Variants in EYS observed in about 807,000 individuals in gnomAD.
EYS encodes the protein EGF-like photoreceptor maintenance factor.
A neutral mutation model predicts 282.1 loss-of-function variants in EYS; 250 were observed. The ratio of observed to expected loss-of-function variants is 0.89; its 90% CI spans 0.80 to 0.98. The LOEUF (loss-of-function observed/expected upper bound fraction) is 0.98. EYS is among the 50% of genes least tolerant of loss of function. The pLI is 0.00. For synonymous variants in EYS, 1,355 were observed against 1,282.9 expected (o/e 1.06, Z -1.20); for missense variants, 4,016 against 3,709.0 (o/e 1.08, Z -2.15).
At chr6:64,847,884 G>A (rs1326719589) in intron 19 of EYS, among the ~76,000 whole-genome samples, 1 of 152,032 alleles carries the variant, frequency 6.6e-6, no homozygotes, top group African/African-American at 2.4e-5. Flanking sequence ...ATCTATCAAT[G>A]CTGATTGGAA....
At chr6:64,977,221 C>T (rs9453141) in intron 14 of EYS, among the ~76,000 whole-genome samples, 3,602 of 151,960 alleles carry the variant, frequency 0.024, 138 homozygotes, top group African/African-American at 0.082. Flanking sequence ...CTAACATGTG[C>T]ATACTTCATT....
At chr6:65,346,758 A>T (rs2150322123) in intron 9 of EYS, among the ~76,000 whole-genome samples, 1 of 151,996 alleles carries the variant, frequency 6.6e-6, no homozygotes, top group South Asian at 2.1e-4. Context: ...CAACAAGAAC[A>T]TACTATGTAA....
intron 13 of EYS, among the ~76,000 whole-genome samples, chr6:65,031,829 A>T (rs1772614106): frequency 6.6e-6 from 1 of 150,716 alleles, no homozygotes; most frequent in African/African-American, 2.5e-5. Flanking sequence ...GGACCAGAAA[A>T]AAAGAACAAA....
chr6:65,336,703 T>G (rs994959347), intron 10 of EYS, among the ~76,000 whole-genome samples: 1 of 151,118 alleles, frequency 6.6e-6, no homozygotes, highest in Middle Eastern at 3.4e-3. Context: ...TAAAAGTAAA[T>G]TAAATAATAT....
chr6:64,625,494 C>G (rs978714965), intron 23 of EYS, among the ~76,000 whole-genome samples: 4 of 152,180 alleles, frequency 2.6e-5, no homozygotes, highest in African/African-American at 7.2e-5. Context: ...TGCCTTCTGG[C>G]TGTGTCCTCA....
At chr6:65,136,315 T>C (rs903710968) in intron 12 of EYS, among the ~76,000 whole-genome samples, 1 of 152,060 alleles carries the variant, frequency 6.6e-6, no homozygotes, top group Non-Finnish European at 1.5e-5. Flanking sequence ...TAAACTTTCT[T>C]GAAAATAACA....
chr6:64,804,520 A>G (rs1366529862), intron 22 of EYS, among the ~76,000 whole-genome samples: 1 of 151,726 alleles, frequency 6.6e-6, no homozygotes, highest in African/African-American at 2.4e-5. Context: ...TAGTGCCACA[A>G]CTCTCTTTAA....
At chr6:64,787,460 T>C (rs1284979059) in intron 22 of EYS, among the ~76,000 whole-genome samples, 1 of 151,930 alleles carries the variant, frequency 6.6e-6, no homozygotes, top group Non-Finnish European at 1.5e-5. Context: ...CTTTGTTTTT[T>C]TTTCTCTATG....
intron 36 of EYS, among the ~76,000 whole-genome samples, chr6:63,852,439 T>C (rs955470849): frequency 3.3e-5 from 5 of 151,846 alleles, no homozygotes; most frequent in Admixed American, 3.3e-4. Flanking sequence ...CAGGAAGAAA[T>C]CAAATCCCTG....
rs547560356 is a variant in EYS at position 64,738,591 on chromosome 6, T to C, written c.3443+74787A>G. On this transcript the variant is annotated intron_variant, in intron 22 of 42. Coordinates refer to ENST00000503581, the MANE Select transcript of EYS (RefSeq NM_001142800.2). The stretch of plus-strand genomic sequence containing the variant: ...ATGCTACTTTCAAGTTAAAGGCCCT[T>C]ATATTTGTATAGGAAATGGCATTGC... Among the ~76,000 whole-genome samples, 5 of 152,304 alleles carry C rather than the reference T, an allele frequency of 3.3e-5. No homozygotes were observed. In the East Asian group the frequency reaches 5.8e-4, roughly 18 times the overall value.
Position 65,092,740 on chromosome 6 carries a change from C to A in EYS, c.2024-35013G>T, listed in dbSNP as rs569228459. 2.6e-5 allele frequency among the ~76,000 whole-genome samples: 4 copies of A among 152,142 alleles called. No individual in the cohort carries two copies. In the South Asian group the frequency reaches 6.2e-4, roughly 24 times the overall value. ...TTCTGACTGAATTGACTACTTACAG[C>A]GCAGGAAGATCTAACACAGGTCATT... On this transcript the variant is annotated intron_variant, in intron 12 of 42. Transcript: ENST00000503581.
intron 9 of EYS, among the ~76,000 whole-genome samples, chr6:65,351,725 G>T (rs9445514): frequency 0.045 from 6,806 of 151,786 alleles, 487 homozygotes; most frequent in African/African-American, 0.15. Context: ...AACTAATTTG[G>T]TTGTAACAGT....
chr6:65,229,771 G>T (rs1766720983), intron 12 of EYS, among the ~76,000 whole-genome samples: 1 of 151,948 alleles, frequency 6.6e-6, no homozygotes, highest in Non-Finnish European at 1.5e-5. Flanking sequence ...AAACTGAGAA[G>T]TCTCAAGTGT....
At chr6:63,989,467 G>A (rs1254731281) in intron 34 of EYS, among the ~76,000 whole-genome samples, 2 of 151,564 alleles carry the variant, frequency 1.3e-5, no homozygotes, top group African/African-American at 4.8e-5. Context: ...TTCTTTTGCA[G>A]TTAAAGGATC....
intron 29 of EYS, among the ~76,000 whole-genome samples, chr6:64,339,877 G>A (rs937528410): frequency 2.0e-5 from 3 of 151,636 alleles, no homozygotes; most frequent in African/African-American, 7.3e-5. Flanking sequence ...GAATGATACA[G>A]TGGACTTTGG....
chr6:64,767,625 G>T (rs1376341843), intron 22 of EYS, among the ~76,000 whole-genome samples: 1 of 151,954 alleles, frequency 6.6e-6, no homozygotes, highest in East Asian at 1.9e-4. Flanking sequence ...TCATTCTTTT[G>T]TATGGCTAAA....
chr6:64,505,837 G>T (rs1777191308), intron 26 of EYS, among the ~76,000 whole-genome samples: 3 of 152,270 alleles, frequency 2.0e-5, no homozygotes, highest in African/African-American at 7.2e-5. Flanking sequence ...CTTATGATCT[G>T]AACTTGCTTT....
chr6:65,585,275 C>G (rs1020118772), intron 2 of EYS, among the ~76,000 whole-genome samples: 1 of 151,804 alleles, frequency 6.6e-6, no homozygotes, highest in Admixed American at 6.6e-5. Context: ...ATAGCTCTTT[C>G]GAATGATTAT....
At chr6:64,987,288 A>G (rs1394319455) in intron 14 of EYS, among the ~76,000 whole-genome samples, 2 of 151,496 alleles carry the variant, frequency 1.3e-5, no homozygotes, top group South Asian at 2.1e-4. Context: ...AATGCTGCGT[A>G]TAAAATGCTT....
Sources: allele counts gnomAD v4.1 joint callset (sites outside exome capture counted in the v4.1 genomes callset), GRCh38; gene constraint gnomAD v4.1.1; transcripts MANE v1.5; gene names NCBI Gene and HGNC (gene_info 2026-07-23, HGNC 2026-07-21).